EPHA4: variants seen among roughly 807,000 people sequenced by gnomAD.
EPHA4 encodes the protein EPH receptor A4, also known as ephrin type-A receptor 4.
EPHA4 carries 19 observed loss-of-function variants against 108.3 expected under a neutral mutation model. The ratio of observed to expected loss-of-function variants is 0.18; its 90% CI spans 0.12 to 0.26. The LOEUF (loss-of-function observed/expected upper bound fraction) is 0.26, where lower values mean the gene tolerates loss of function less well. Among genes scored for constraint, EPHA4 ranks in the 10% least tolerant of loss-of-function variants. The pLI, the probability that EPHA4 is intolerant of heterozygous loss-of-function variation, is 1.00. For synonymous variants in EPHA4, 449 were observed against 455.5 expected, an observed-to-expected ratio of 0.99 and a Z score of 0.18; for missense variants, 917 against 1,254.0, an observed-to-expected ratio of 0.73 and a Z score of 4.06.
intron 8 of EPHA4, among the ~76,000 whole-genome samples, chr2:221,453,806 CTG>C (rs1246583206): frequency 6.6e-6 from 1 of 152,130 alleles, no homozygotes; most frequent in African/African-American, 2.4e-5. Flanking sequence ...TTTTTCTATA[CTG>C]TGTTATGTTA....
intron 5 of EPHA4, among the ~76,000 whole-genome samples, chr2:221,470,645 T>TGC (rs1691454924): frequency 8.1e-5 from 12 of 148,450 alleles, no homozygotes; most frequent in African/African-American, 1.3e-4. Flanking sequence ...TAGGGAACCT[T>TGC]TTTTATAAAG....
chr2:221,522,771 TTA>T (rs1693208309), intron 3 of EPHA4, among the ~76,000 whole-genome samples: 8 of 118,294 alleles, frequency 6.8e-5, no homozygotes, highest in Admixed American at 3.5e-4. Flanking sequence ...ATTATTATTA[TTA>T]TTTTTTTGAG....
chr2:221,465,820 C>A (rs1031881254), intron 5 of EPHA4, among the ~76,000 whole-genome samples: 1 of 152,154 alleles, frequency 6.6e-6, no homozygotes, highest in Admixed American at 6.5e-5. Context: ...TTGCAATAAC[C>A]CATTGAACTG....
At chr2:221,533,414 A>G (rs1693577748) in intron 3 of EPHA4, among the ~76,000 whole-genome samples, 1 of 152,076 alleles carries the variant, frequency 6.6e-6, no homozygotes. Context: ...GTATGTATCA[A>G]TAAAGGATGC....
At chr2:221,543,503 C>A (rs935230908) in intron 3 of EPHA4, among the ~76,000 whole-genome samples, 3 of 152,108 alleles carry the variant, frequency 2.0e-5, no homozygotes, top group African/African-American at 7.2e-5. Context: ...TTTATACATA[C>A]AAAATTAATT....
chr2:221,470,800 C>T (rs1453978466), intron 5 of EPHA4, among the ~76,000 whole-genome samples: 1 of 151,964 alleles, frequency 6.6e-6, no homozygotes, highest in Admixed American at 6.6e-5. Flanking sequence ...AAATGGTCAC[C>T]ACATGCTACG....
In EPHA4 at chr2:221,418,308, C is replaced by G. The variant is rs550991838; in HGVS notation, c.*3064G>C. 3.9e-5 allele frequency: 6 copies of G among 152,702 alleles called. No homozygotes were observed. The highest frequency in any genetic ancestry group is 1.2e-4 in the African/African-American group (5 of 41,544). 9.5% of individuals were successfully genotyped at this position (152,702 alleles called of 1,614,324 possible). A position where few individuals can be genotyped will look rare whatever the true frequency, so the allele number is the denominator to read the frequency against. On this transcript the variant is annotated 3_prime_UTR_variant, in exon 18 of 18. Coordinates refer to ENST00000281821, the MANE Select transcript of EPHA4 (RefSeq NM_004438.5). ...CAGTATGAACTAAATTATAATATGC[C>G]TTATACATTCTAATTTGAACCACAG...
At chr2:221,470,759 A>G (rs907381113) in intron 5 of EPHA4, among the ~76,000 whole-genome samples, 2 of 152,148 alleles carry the variant, frequency 1.3e-5, no homozygotes, top group Non-Finnish European at 2.9e-5. Flanking sequence ...GTTAAATTAC[A>G]GTCAGAACAT....
rs528335766 is a variant in EPHA4 at position 221,526,852 on chromosome 2, CAAAAAAAAAAAAAAAAAAAAAAAAAAAAA to C, written c.824-25709_824-25681del. On this transcript the variant is annotated intron_variant, in intron 3 of 17. Coordinates refer to ENST00000281821, the MANE Select transcript of EPHA4 (RefSeq NM_004438.5). ...TGGGCAATATAGCCAGACTCGGCCT[CAAAAAAAAAAAAAAAAAAAAAAAAAAAAA>C]AAAAAAAAAAAAAAATTGACACACA... Among the ~76,000 whole-genome samples, 309 of 48,616 alleles carry C rather than the reference CAAAAAAAAAAAAAAAAAAAAAAAAAAAAA, an allele frequency of 6.4e-3. 4 individuals are homozygous for C. The highest frequency in any genetic ancestry group is 0.023 in the African/African-American group (276 of 12,062). The allele number at this position is 48,616 out of a possible 152,430, so 31.9% of individuals were successfully genotyped here. A position where few individuals can be genotyped will look rare whatever the true frequency, so the allele number is the denominator to read the frequency against.
intron 14 of EPHA4, among the ~76,000 whole-genome samples, chr2:221,431,570 T>C (rs191801221): frequency 1.3e-5 from 2 of 152,360 alleles, no homozygotes; most frequent in African/African-American, 4.8e-5. Context: ...TTATTGAACC[T>C]TATTCTATTT....
chr2:221,538,339 A>C (rs1693731171), intron 3 of EPHA4, among the ~76,000 whole-genome samples: 1 of 152,246 alleles, frequency 6.6e-6, no homozygotes, highest in Non-Finnish European at 1.5e-5. Flanking sequence ...AGTGTAAAAA[A>C]TGTGAAAATC....
intron 3 of EPHA4, among the ~76,000 whole-genome samples, chr2:221,541,846 A>G (rs1693849006): frequency 6.6e-6 from 1 of 152,228 alleles, no homozygotes; most frequent in South Asian, 2.1e-4. Flanking sequence ...AGGCACCCAG[A>G]CGTTACCAAA....
rs1033040524 is a variant in EPHA4 at position 221,510,612 on chromosome 2, T to C, written c.824-9440A>G. 6.6e-5 allele frequency among the ~76,000 whole-genome samples: 10 copies of C among 152,342 alleles called. No individual in the cohort carries two copies. The East Asian group carries it at 1.4e-3, about 21-fold the overall frequency. On this transcript the variant is annotated intron_variant, in intron 3 of 17. Coordinates refer to ENST00000281821, the MANE Select transcript of EPHA4 (RefSeq NM_004438.5). ...CATAAATAGGTGAGTAATTCTAAAA[T>C]GTCAGATGAAGATGGTTTTCACAAA... is the stretch of plus-strand genomic sequence containing the variant.
At chr2:221,522,289 T>G (rs1301559832) in intron 3 of EPHA4, among the ~76,000 whole-genome samples, 1 of 152,128 alleles carries the variant, frequency 6.6e-6, no homozygotes, top group African/African-American at 2.4e-5. Flanking sequence ...TCAGATAGGG[T>G]ATCAAGGAAA....
Position 221,482,381 on chromosome 2 carries a change from A to C in EPHA4, c.1289T>G (p.Val430Gly). The C allele has an allele frequency of 6.2e-7, 1 of 1,610,014 alleles. No homozygotes were observed. Among genetic ancestry groups the C allele is most frequent in the Non-Finnish European group, 8.5e-7 (1 of 1,177,000 alleles). Residue 430 changes from valine to glycine, a missense_variant, in exon 5 of 18, where the codon GTT becomes GGT. Val to Gly is a moderately radical substitution (Grantham distance 109, BLOSUM62 -3). Around this residue, in one of 3 missense-constraint regions of EPHA4, gnomAD observed 758 missense variants for 1,076.7 expected, o/e 0.70. Transcript: ENST00000281821. ...SKYNPNPDQS[V>G]SVTVTTNQAA... ...TTGGTTGGTGGTCACAGTGACAGAA[A>C]CTGATTGGTCTGGGTTAGGGTTATA... is the stretch of plus-strand genomic sequence containing the variant.
chr2:221,476,037 T>C (rs1691644985), intron 5 of EPHA4, among the ~76,000 whole-genome samples: 1 of 152,118 alleles, frequency 6.6e-6, no homozygotes, highest in South Asian at 2.1e-4. Context: ...CTGGGCAACA[T>C]GGAAAACCCC....
At chr2:221,509,355 A>G (rs1287760213) in intron 3 of EPHA4, among the ~76,000 whole-genome samples, 1 of 152,198 alleles carries the variant, frequency 6.6e-6, no homozygotes, top group Non-Finnish European at 1.5e-5. Context: ...AACAATTACT[A>G]AAAACTTAAA....
chr2:221,426,835 T>C (rs911988286), intron 15 of EPHA4, among the ~76,000 whole-genome samples: 1 of 152,268 alleles, frequency 6.6e-6, no homozygotes, highest in Non-Finnish European at 1.5e-5. Flanking sequence ...TTCTTAATTC[T>C]ATTTCCTGCG....
intron 3 of EPHA4, among the ~76,000 whole-genome samples, chr2:221,560,172 C>T (rs531640214): frequency 7.6e-6 from 1 of 132,054 alleles, no homozygotes; most frequent in South Asian, 2.7e-4. Context: ...AATCAATCTT[C>T]CCTCTGACCT....
Sources: gnomAD v4.1 joint callset for allele counts (sites outside exome capture counted in the v4.1 genomes callset) on GRCh38, gnomAD v4.1.1 for gene constraint, gnomAD v4.1.1 regional missense constraint, MANE v1.5 for transcripts, NCBI Gene and HGNC (gene_info 2026-07-23, HGNC 2026-07-21) for gene names.